Variants in SIPA1L1 observed in about 807,000 individuals in gnomAD.
The protein encoded by SIPA1L1 is signal-induced proliferation-associated 1-like protein 1.
SIPA1L1 carries 26 observed loss-of-function variants against 162.7 expected under a neutral mutation model. The observed-to-expected ratio is 0.16, with a 90% CI of 0.12 to 0.22. The LOEUF (loss-of-function observed/expected upper bound fraction) is 0.22, where lower values mean the gene tolerates loss of function less well. Ranked by LOEUF, SIPA1L1 falls within the 10% of genes least tolerant of loss-of-function variation. The pLI is 1.00. For synonymous variants in SIPA1L1, 829 were observed against 837.4 expected (o/e 0.99, Z 0.17); for missense variants, 1,874 against 2,241.0 (o/e 0.84, Z 3.31).
chr14:71,612,907 T>G (rs1051696491), intron 5 of SIPA1L1, among the ~76,000 whole-genome samples: 1 of 152,210 alleles, frequency 6.6e-6, no homozygotes, highest in African/African-American at 2.4e-5. Context: ...AATATTTTAA[T>G]GATGACATAA....
At chr14:71,738,915 G>A in intron 23 of SIPA1L1, 103 bp from the exon 24 acceptor site, 1 of 1,366,894 alleles carries the variant, frequency 7.3e-7, no homozygotes, top group East Asian at 2.3e-5. Context: ...ACGAAGAATA[G>A]AAATGGACAA....
intron 2 of SIPA1L1, among the ~76,000 whole-genome samples, chr14:71,450,401 C>T (rs889267897): frequency 1.3e-5 from 2 of 152,140 alleles, no homozygotes; most frequent in Non-Finnish European, 2.9e-5. Context: ...TAAACCTGTT[C>T]ATTAAACAAA....
intron 2 of SIPA1L1, among the ~76,000 whole-genome samples, chr14:71,419,607 C>T (rs927065021): frequency 6.6e-6 from 1 of 150,502 alleles, no homozygotes; most frequent in African/African-American, 2.4e-5. Context: ...ACGCCATTCT[C>T]CTGCCTCAGC....
chr14:71,404,853 C>T (rs189827831), intron 2 of SIPA1L1, among the ~76,000 whole-genome samples: 222 of 152,298 alleles, frequency 1.5e-3, no homozygotes, highest in African/African-American at 4.8e-3. Context: ...GAATTTAGGA[C>T]GTCTAGCTCC....
intron 2 of SIPA1L1, among the ~76,000 whole-genome samples, chr14:71,512,086 C>T (rs2051201223): frequency 6.6e-6 from 1 of 152,172 alleles, no homozygotes; most frequent in Non-Finnish European, 1.5e-5. Flanking sequence ...AAACTCCCTT[C>T]CCACCTCCCA....
intron 7 of SIPA1L1, among the ~76,000 whole-genome samples, chr14:71,632,028 G>T (rs2040624381): frequency 6.6e-6 from 1 of 152,190 alleles, no homozygotes; most frequent in South Asian, 2.1e-4. Flanking sequence ...TTGCAGACCG[G>T]CCCATCCATT....
chr14:71,458,939 G>T (rs963078388), intron 2 of SIPA1L1, among the ~76,000 whole-genome samples: 2 of 152,070 alleles, frequency 1.3e-5, no homozygotes, highest in Non-Finnish European at 2.9e-5. Flanking sequence ...TGGGCATGGT[G>T]GTGTGCTCCT....
rs35037397 is a variant in SIPA1L1 at position 71,599,147 on chromosome 14, C to CTTTTTTTT, written c.1498+9790_1498+9797dup. Among the ~76,000 whole-genome samples the CTTTTTTTT allele has an allele frequency of 1.7e-4, 18 of 106,190 alleles. 1 individual carries two copies. Among genetic ancestry groups the CTTTTTTTT allele is most frequent in the East Asian group, 1.5e-3 (5 of 3,422 alleles). 69.7% of individuals were successfully genotyped at this position (106,190 alleles called of 152,430 possible). A position where few individuals can be genotyped will look rare whatever the true frequency, so the allele number is the denominator to read the frequency against. ...TTGCTGCAAATGACATGATTTCATT[C>CTTTTTTTT]TTTTTTTTTTTTTTTTTTTTGAGAT... On this transcript the variant is annotated intron_variant, in intron 5 of 23. Coordinates refer to ENST00000381232, the MANE Select transcript of SIPA1L1 (RefSeq NM_001386936.1).
chr14:71,322,119 G>A (rs1449662746), intron 2 of SIPA1L1, among the ~76,000 whole-genome samples: 3 of 152,206 alleles, frequency 2.0e-5, no homozygotes, highest in Non-Finnish European at 4.4e-5. Context: ...GAATAAAGGT[G>A]TCGACTTTCA....
intron 5 of SIPA1L1, among the ~76,000 whole-genome samples, chr14:71,606,725 C>T (rs1290854622): frequency 1.3e-5 from 2 of 152,030 alleles, no homozygotes; most frequent in African/African-American, 4.8e-5. Context: ...TCCACGCTCC[C>T]AACCGGTCCC....
intron 2 of SIPA1L1, among the ~76,000 whole-genome samples, chr14:71,490,913 G>T (rs1291764131): frequency 6.6e-6 from 1 of 152,060 alleles, no homozygotes; most frequent in East Asian, 1.9e-4. Context: ...TCAAAGGTAG[G>T]GGTTTAATAG....
At chr14:71,556,114 A>C (rs1344910074) in intron 4 of SIPA1L1, among the ~76,000 whole-genome samples, 2 of 152,218 alleles carry the variant, frequency 1.3e-5, no homozygotes, top group African/African-American at 2.4e-5. Flanking sequence ...TGTAAAAAAA[A>C]CACCTGCAAA....
At chr14:71,496,444 T>C (rs1327731173) in intron 2 of SIPA1L1, among the ~76,000 whole-genome samples, 1 of 152,236 alleles carries the variant, frequency 6.6e-6, no homozygotes, top group African/African-American at 2.4e-5. Context: ...TTTCTTTTGA[T>C]TGTAGATTTT....
chr14:71,361,620 A>G (rs1472298932), intron 2 of SIPA1L1, among the ~76,000 whole-genome samples: 1 of 152,100 alleles, frequency 6.6e-6, no homozygotes, highest in Non-Finnish European at 1.5e-5. Context: ...TTTTTCTACT[A>G]CGTGGGGTGA....
At chr14:71,445,724 C>T (rs1326558320) in intron 2 of SIPA1L1, among the ~76,000 whole-genome samples, 1 of 152,198 alleles carries the variant, frequency 6.6e-6, no homozygotes, top group African/African-American at 2.4e-5. Flanking sequence ...ACTCGAATTA[C>T]TACTTTTGCA....
chr14:71,628,771 T>G (rs922405637), intron 7 of SIPA1L1, among the ~76,000 whole-genome samples: 1 of 152,122 alleles, frequency 6.6e-6, no homozygotes, highest in Non-Finnish European at 1.5e-5. Context: ...GAGATGGGCC[T>G]TGGAGGGGAA....
chr14:71,464,470 G>T (rs1033205706), intron 2 of SIPA1L1, among the ~76,000 whole-genome samples: 1 of 152,038 alleles, frequency 6.6e-6, no homozygotes, highest in Non-Finnish European at 1.5e-5. Flanking sequence ...ATGAGACCCT[G>T]TCTCTTCTAA....
chr14:71,421,341 C>A (rs1352492231), intron 2 of SIPA1L1, among the ~76,000 whole-genome samples: 1 of 151,964 alleles, frequency 6.6e-6, no homozygotes, highest in Non-Finnish European at 1.5e-5. Flanking sequence ...GCCTGTAACC[C>A]CAGTGCTTTG....
At position 71,400,120 on chromosome 14, in the gene SIPA1L1, A is replaced by T. The variant is rs1354626351; in HGVS notation, c.-465+78939A>T. On this transcript the variant is annotated intron_variant, in intron 2 of 23. Transcript: ENST00000381232. ...GATTACAGGCATCAGCTGAGGTACC[A>T]GACCCAGCCCAAGAACTCACATTTT... 2.0e-5 allele frequency among the ~76,000 whole-genome samples: 3 copies of T among 152,246 alleles called. No homozygotes were observed. In the East Asian group the frequency reaches 5.8e-4, roughly 29 times the overall value.
Sources: gnomAD v4.1 joint callset for allele counts (sites outside exome capture counted in the v4.1 genomes callset) on GRCh38, gnomAD v4.1.1 for gene constraint, MANE v1.5 for transcripts, NCBI Gene and HGNC (gene_info 2026-07-23, HGNC 2026-07-21) for gene names.